TET1: variants seen among roughly 807,000 people sequenced by gnomAD.
TET1 encodes the protein methylcytosine dioxygenase TET1.
TET1 carries 13 observed loss-of-function variants against 148.7 expected under a neutral mutation model. The observed-to-expected ratio is 0.09, with a 90% CI of 0.06 to 0.14. The LOEUF is 0.14. TET1 is among the 10% of genes least tolerant of loss of function. The pLI is 1.00. For synonymous variants in TET1, 907 were observed against 937.2 expected, an observed-to-expected ratio of 0.97 and a Z score of 0.59; for missense variants, 2,182 against 2,553.8, an observed-to-expected ratio of 0.85 and a Z score of 3.14.
chr10:68,676,837 G>T (rs2055369316), intron 8 of TET1, among the ~76,000 whole-genome samples: 1 of 152,248 alleles, frequency 6.6e-6, no homozygotes, highest in African/African-American at 2.4e-5. Flanking sequence ...TACTTGATGG[G>T]TTCCAAAACT....
At chr10:68,639,581 G>T (rs1204985174) in intron 3 of TET1, among the ~76,000 whole-genome samples, 4 of 151,976 alleles carry the variant, frequency 2.6e-5, no homozygotes, top group East Asian at 3.9e-4. Context: ...TGATCCTCCC[G>T]CTTCAGCCTC....
chr10:68,670,025 G>A (rs1324515641), intron 7 of TET1, among the ~76,000 whole-genome samples: 3 of 152,114 alleles, frequency 2.0e-5, no homozygotes, highest in African/African-American at 2.4e-5. Flanking sequence ...ATACAAACAC[G>A]TTACTGTTGT....
rs1454504370 is a variant in TET1 at position 68,613,893 on chromosome 10, G to A, written c.1968+12859G>A. On this transcript the variant is annotated intron_variant, in intron 3 of 11. Coordinates refer to ENST00000373644, the MANE Select transcript of TET1 (RefSeq NM_030625.3). Reference sequence around the variant, plus strand: ...ACACTGGTTGCAGTGAGCCGAGATCGTGCCATTGCACTCCAGACTGGAGGA... The same window carrying A: ...ACACTGGTTGCAGTGAGCCGAGATCATGCCATTGCACTCCAGACTGGAGGA... 1.1e-4 allele frequency among the ~76,000 whole-genome samples: 16 copies of A among 151,312 alleles called. No individual in the cohort carries two copies. In the South Asian group the frequency reaches 2.1e-3, roughly 20 times the overall value.
chr10:68,561,056 G>A (rs1286938859), intron 1 of TET1, among the ~76,000 whole-genome samples: 4 of 152,212 alleles, frequency 2.6e-5, no homozygotes, highest in Non-Finnish European at 5.9e-5. Context: ...CCCGGGCTGC[G>A]GTGGAAGCGG....
chr10:68,640,636 C>T (rs2054736586), intron 3 of TET1, among the ~76,000 whole-genome samples: 1 of 132,832 alleles, frequency 7.5e-6, no homozygotes, highest in Non-Finnish European at 1.5e-5. Context: ...ACTGCAGGCT[C>T]CGCTTCCCAG....
chr10:68,594,733 C>G (rs574876818), intron 2 of TET1, among the ~76,000 whole-genome samples: 1 of 152,214 alleles, frequency 6.6e-6, no homozygotes, highest in South Asian at 2.1e-4. Context: ...ACTCCCTGCA[C>G]TTTGGGAGGC....
At chr10:68,640,011 TCCTC>T (rs1300964885) in intron 3 of TET1, among the ~76,000 whole-genome samples, 4 of 151,704 alleles carry the variant, frequency 2.6e-5, no homozygotes, top group Middle Eastern at 3.6e-3. Flanking sequence ...CACTGCAACC[TCCTC>T]CTCCCGAGTT....
At chr10:68,594,738 G>A (rs990634545) in intron 2 of TET1, among the ~76,000 whole-genome samples, 2 of 152,106 alleles carry the variant, frequency 1.3e-5, no homozygotes, top group African/African-American at 2.4e-5. Flanking sequence ...CTGCACTTTG[G>A]GAGGCTGAGG....
chr10:68,603,905 C>A (rs1298479762), intron 3 of TET1, among the ~76,000 whole-genome samples: 1 of 152,180 alleles, frequency 6.6e-6, no homozygotes, highest in East Asian at 1.9e-4. Flanking sequence ...ACAGCTCTGG[C>A]CAAAGCACTC....
At chr10:68,594,581 A>T (rs994467536) in intron 2 of TET1, among the ~76,000 whole-genome samples, 7 of 152,200 alleles carry the variant, frequency 4.6e-5, no homozygotes. Flanking sequence ...CCAACCGCTT[A>T]CATCCGGACT....
chr10:68,583,232 T>A (rs1209871685), intron 2 of TET1, among the ~76,000 whole-genome samples: 2 of 152,082 alleles, frequency 1.3e-5, no homozygotes, highest in African/African-American at 4.8e-5. Context: ...TATTCCAGGG[T>A]GGTATTTCAA....
intron 2 of TET1, among the ~76,000 whole-genome samples, chr10:68,587,944 C>A (rs182693536): frequency 1.3e-5 from 2 of 152,140 alleles, no homozygotes; most frequent in African/African-American, 4.8e-5. Flanking sequence ...AGTGGCGCAA[C>A]CTCTGCCTCC....
chr10:68,676,832 G>C (rs2055369208), intron 8 of TET1, among the ~76,000 whole-genome samples: 1 of 152,158 alleles, frequency 6.6e-6, no homozygotes, highest in Admixed American at 6.5e-5. Context: ...CTTCCTACTT[G>C]ATGGGTTCCA....
At chr10:68,677,999 A>AGGCCACCCACCTC (rs1203335410) in intron 8 of TET1, among the ~76,000 whole-genome samples, 1 of 151,018 alleles carries the variant, frequency 6.6e-6, no homozygotes. Context: ...GTGAGGAGGG[A>AGGCCACCCACCTC]GGCCACCCAC....
intron 3 of TET1, 73 bp from the exon 4 acceptor site, chr10:68,644,625 T>C: frequency 2.8e-6 from 4 of 1,419,210 alleles, no homozygotes; most frequent in Non-Finnish European, 3.8e-6. Context: ...TTAGTTGTTA[T>C]TAAATTTTAA....
chr10:68,565,791 G>A (rs1205758762), intron 1 of TET1, among the ~76,000 whole-genome samples: 1 of 152,088 alleles, frequency 6.6e-6, no homozygotes, highest in Admixed American at 6.6e-5. Context: ...AGCCATGAGT[G>A]ATAAAAATCA....
chr10:68,660,673 T>C (rs1051265240), intron 6 of TET1, among the ~76,000 whole-genome samples: 21 of 150,530 alleles, frequency 1.4e-4, no homozygotes, highest in African/African-American at 4.4e-4. Flanking sequence ...TATTATTACT[T>C]TTTTGAGACA....
chr10:68,646,284 A>T lies in TET1; in HGVS notation c.3555A>T (p.Thr1185=). Residue 1185 remains threonine, a synonymous_variant, in exon 4 of 12, where the codon ACA becomes ACT. Transcript: ENST00000373644. ...AAAAGTTGTCCTATATGTATGGCAC[A>T]ATATGCGACATTTGGATAGCATCGA... The part of the protein sequence containing the change: ...KWEKLSYMYG[T]ICDIWIASKF... The T allele has an allele frequency of 6.2e-7, 1 of 1,614,210 alleles. No homozygotes were observed. The highest frequency in any genetic ancestry group is 8.5e-7 in the Non-Finnish European group (1 of 1,180,046).
Position 68,673,020 on chromosome 10 carries a change from G to T in TET1, c.4799G>T (p.Arg1600Ile). ...AGAAGCCCAAGCCCCAGAAGATTTA[G>T]AATTGATCCAAGCTCTCCCTTACAT... ...FGRSPSPRRF[R>I]IDPSSPLHEK... The change falls in exon 8 of 12, where the codon AGA becomes ATA. Residue 1600 changes from arginine (R) to isoleucine (I), a missense_variant. Around this residue, in one of 11 missense-constraint regions of TET1, gnomAD observed 55 missense variants for 149.8 expected, o/e 0.37. Coordinates refer to ENST00000373644, the MANE Select transcript of TET1 (RefSeq NM_030625.3). 1.2e-6 allele frequency: 2 copies of T among 1,611,044 alleles called. No homozygotes were observed. Among genetic ancestry groups the T allele is most frequent in the Non-Finnish European group, 1.7e-6 (2 of 1,177,952 alleles).
Sources: allele counts gnomAD v4.1 joint callset (sites outside exome capture counted in the v4.1 genomes callset), GRCh38; gene constraint gnomAD v4.1.1; regional missense constraint gnomAD v4.1.1; transcripts MANE v1.5; gene names NCBI Gene and HGNC (gene_info 2026-07-23, HGNC 2026-07-21).